Variants in NTM observed in about 807,000 individuals in gnomAD.
NTM encodes the protein IgLON family member 2.
NTM carries 13 observed loss-of-function variants against 42.1 expected under a neutral mutation model. The ratio of observed to expected loss-of-function variants is 0.31; its 90% confidence interval spans 0.20 to 0.49. NTM has a LOEUF of 0.49. NTM is among the 20% of genes least tolerant of loss of function. The pLI is 0.99. For missense variants in NTM, 373 were observed against 452.8 expected (o/e 0.82, Z 1.60); for synonymous variants, 187 against 179.2 (o/e 1.04, Z -0.35).
At chr11:131,610,980 G>C (rs2061420207) in intron 1 of NTM, among the ~76,000 whole-genome samples, 1 of 152,158 alleles carries the variant, frequency 6.6e-6, no homozygotes, top group South Asian at 2.1e-4. Flanking sequence ...GGAGGCATTA[G>C]AGGTGGCCAG....
chr11:132,181,375 T>C (rs909747353), intron 3 of NTM, among the ~76,000 whole-genome samples: 16 of 152,372 alleles, frequency 1.1e-4, no homozygotes, highest in Middle Eastern at 3.4e-3. Context: ...TGCTGTGTTC[T>C]GCCTCATTTC....
intron 1 of NTM, among the ~76,000 whole-genome samples, chr11:131,503,792 G>C (rs564434627): frequency 6.6e-6 from 1 of 152,046 alleles, no homozygotes; most frequent in Non-Finnish European, 1.5e-5. Context: ...CTACAGGTGC[G>C]AGCCACCACG....
chr11:131,779,479 C>A (rs1454666672), intron 1 of NTM, among the ~76,000 whole-genome samples: 2 of 152,110 alleles, frequency 1.3e-5, no homozygotes, highest in Non-Finnish European at 2.9e-5. Flanking sequence ...TAAGCACCAG[C>A]AATATGATAG....
chr11:131,382,563 T>C (rs1409742361), intron 1 of NTM, among the ~76,000 whole-genome samples: 1 of 152,208 alleles, frequency 6.6e-6, no homozygotes. Flanking sequence ...AATGAATCTA[T>C]GTGGAACAAA....
rs532439491 is a variant in NTM at position 132,263,622 on chromosome 11, T to A, written c.527-44067T>A. Among the ~76,000 whole-genome samples, 22 of 152,216 alleles carry A rather than the reference T, an allele frequency of 1.4e-4. No homozygotes were observed. The South Asian group carries it at 3.7e-3, about 26-fold the overall frequency. On this transcript the variant is annotated intron_variant, in intron 4 of 8. Coordinates refer to ENST00000683400, the MANE Select transcript of NTM (RefSeq NM_001352005.2). ...CCTTTTTTTTTCCTGAACAATTCCA[T>A]CTTCAATTCATTTCCCTTTCTCACA...
intron 1 of NTM, among the ~76,000 whole-genome samples, chr11:131,441,808 T>C (rs938457927): frequency 2.1e-4 from 32 of 152,330 alleles, no homozygotes; most frequent in African/African-American, 6.5e-4. Context: ...TATCTCTCTG[T>C]AGCTTTTCCA....
At chr11:132,277,579 G>T (rs975928740) in intron 4 of NTM, among the ~76,000 whole-genome samples, 1 of 152,080 alleles carries the variant, frequency 6.6e-6, no homozygotes, top group Non-Finnish European at 1.5e-5. Context: ...GAATTTGGGC[G>T]TACTTGAATT....
intron 1 of NTM, among the ~76,000 whole-genome samples, chr11:131,447,598 T>C (rs545842745): frequency 1.3e-5 from 2 of 152,236 alleles, no homozygotes; most frequent in Admixed American, 1.3e-4. Context: ...AGAATAAATA[T>C]GGTTTGTTTG....
chr11:131,587,458 A>C (rs1404349874), intron 1 of NTM, among the ~76,000 whole-genome samples: 1 of 152,098 alleles, frequency 6.6e-6, no homozygotes, highest in Non-Finnish European at 1.5e-5. Flanking sequence ...AAAAAAAAAA[A>C]ATAGGCCTTA....
chr11:131,662,145 A>G (rs2068186780), intron 1 of NTM: 1 of 152,252 alleles, frequency 6.6e-6, no homozygotes, highest in Non-Finnish European at 1.5e-5. Context: ...TTGAAAGTGT[A>G]TAATTCTATT....
intron 1 of NTM, among the ~76,000 whole-genome samples, chr11:131,727,627 A>G (rs2079121050): frequency 6.6e-6 from 1 of 152,212 alleles, no homozygotes; most frequent in South Asian, 2.1e-4. Context: ...TCTAAGGACA[A>G]TCACTCTGGC....
intron 3 of NTM, among the ~76,000 whole-genome samples, chr11:132,184,562 C>T (rs746986003): frequency 9.2e-5 from 14 of 152,112 alleles, no homozygotes; most frequent in East Asian, 1.9e-4. Flanking sequence ...TCCAGTCGTC[C>T]GGTCCTGGTA....
At chr11:131,485,818 C>T (rs1351936262) in intron 1 of NTM, among the ~76,000 whole-genome samples, 4 of 152,068 alleles carry the variant, frequency 2.6e-5, no homozygotes, top group Non-Finnish European at 5.9e-5. Context: ...GACTGGTTAC[C>T]TCCAGTGTTG....
At chr11:131,869,400 C>G (rs2047554193) in intron 1 of NTM, among the ~76,000 whole-genome samples, 1 of 152,172 alleles carries the variant, frequency 6.6e-6, no homozygotes, top group Admixed American at 6.5e-5. Context: ...GAAGACTTCC[C>G]CACTCTCCTT....
At chr11:132,032,270 T>C (rs181819594) in intron 2 of NTM, among the ~76,000 whole-genome samples, 4 of 152,326 alleles carry the variant, frequency 2.6e-5, no homozygotes, top group Non-Finnish European at 5.9e-5. Context: ...TGCTCTGGCT[T>C]TGTCTCCTTG....
chr11:131,795,115 A>G (rs1394409362), intron 1 of NTM: 1 of 503,758 alleles, frequency 2.0e-6, no homozygotes, highest in Non-Finnish European at 2.6e-6. Context: ...TTACTTTTTC[A>G]TTAAAAGTAT....
intron 1 of NTM, among the ~76,000 whole-genome samples, chr11:131,774,628 G>A (rs1458547155): frequency 1.3e-5 from 2 of 152,136 alleles, no homozygotes; most frequent in Admixed American, 6.5e-5. Flanking sequence ...AGGCAATTGT[G>A]AGGTCACAAA....
At chr11:132,285,467 A>C (rs574286553) in intron 4 of NTM, among the ~76,000 whole-genome samples, 42 of 152,258 alleles carry the variant, frequency 2.8e-4, no homozygotes, top group Non-Finnish European at 5.3e-4. Context: ...CGTGGACCTG[A>C]CTGAGATGGC....
intron 4 of NTM, among the ~76,000 whole-genome samples, chr11:132,254,620 C>T (rs2092314161): frequency 6.6e-6 from 1 of 152,088 alleles, no homozygotes. Context: ...TTTTTCTTCT[C>T]CAATGTGATC....
Sources: gnomAD v4.1 joint callset for allele counts (sites outside exome capture counted in the v4.1 genomes callset) on GRCh38, gnomAD v4.1.1 for gene constraint, MANE v1.5 for transcripts, NCBI Gene and HGNC (gene_info 2026-07-23, HGNC 2026-07-21) for gene names.